Variants in USP8 observed in about 807,000 individuals in gnomAD.
USP8 encodes ubiquitin specific peptidase 8.
USP8 carries 27 observed loss-of-function variants against 130.0 expected under a neutral mutation model. The observed-to-expected ratio is 0.21, with a 90% confidence interval of 0.15 to 0.29. The LOEUF (loss-of-function observed/expected upper bound fraction) is 0.29. Ranked by LOEUF, USP8 falls within the 10% of genes least tolerant of loss-of-function variation. The pLI is 1.00. For synonymous variants in USP8, 392 were observed against 444.1 expected (o/e 0.88, Z 1.48); for missense variants, 1,029 against 1,312.2 (o/e 0.78, Z 3.33).
At chr15:50,489,467 T>TAA in intron 12 of USP8, 1 of 151,190 alleles carries the variant, frequency 6.6e-6, no homozygotes, top group Non-Finnish European at 1.5e-5. Flanking sequence ...GATGCAAAAT[T>TAA]AAAAAAAAAA....
At chr15:50,438,688 A>G (rs1017565747) in intron 1 of USP8, among the ~76,000 whole-genome samples, 1 of 152,242 alleles carries the variant, frequency 6.6e-6, no homozygotes, top group Non-Finnish European at 1.5e-5. Context: ...CTTATGATCT[A>G]AACATTAATG....
chr15:50,473,213 T>G (rs1442285476), intron 8 of USP8, among the ~76,000 whole-genome samples: 1 of 152,160 alleles, frequency 6.6e-6, no homozygotes, highest in Non-Finnish European at 1.5e-5. Context: ...TCAGTATTTG[T>G]GGGGGATTGA....
intron 12 of USP8, among the ~76,000 whole-genome samples, chr15:50,485,233 C>T (rs1274879021): frequency 6.6e-6 from 1 of 151,800 alleles, no homozygotes; most frequent in Non-Finnish European, 1.5e-5. Context: ...ATCACGAGGT[C>T]AGGAGATCGA....
intron 12 of USP8, among the ~76,000 whole-genome samples, chr15:50,487,616 C>T (rs1361615725): frequency 6.6e-6 from 1 of 152,204 alleles, no homozygotes; most frequent in Non-Finnish European, 1.5e-5. Flanking sequence ...GGCCACCCAC[C>T]ATCTTGCCCC....
chr15:50,440,366 C>G (rs2141255385), intron 2 of USP8, among the ~76,000 whole-genome samples: 1 of 152,262 alleles, frequency 6.6e-6, no homozygotes, highest in Non-Finnish European at 1.5e-5. Context: ...TTGCATCTAA[C>G]TTTGTATCAG....
intron 4 of USP8, among the ~76,000 whole-genome samples, chr15:50,458,033 G>C (rs954649028): frequency 6.6e-6 from 1 of 151,548 alleles, no homozygotes; most frequent in Non-Finnish European, 1.5e-5. Context: ...CTCTCTCTCT[G>C]TCTTTAAATT....
At chr15:50,450,550 C>T (rs551863130) in intron 4 of USP8, among the ~76,000 whole-genome samples, 8 of 142,650 alleles carry the variant, frequency 5.6e-5, no homozygotes, top group African/African-American at 1.5e-4. Flanking sequence ...CAGCTCACTG[C>T]AACATTTGCC....
intron 1 of USP8, among the ~76,000 whole-genome samples, chr15:50,430,860 T>A (rs1045741579): frequency 6.6e-6 from 1 of 152,168 alleles, no homozygotes; most frequent in African/African-American, 2.4e-5. Context: ...TGGTTCTTGT[T>A]GGGGGTAATT....
chr15:50,452,781 A>T (rs2050666360), intron 4 of USP8, among the ~76,000 whole-genome samples: 1 of 152,226 alleles, frequency 6.6e-6, no homozygotes, highest in African/African-American at 2.4e-5. Context: ...TGCATTAAGA[A>T]AATTAACATT....
chr15:50,437,937 G>A (rs1301108060), intron 1 of USP8, among the ~76,000 whole-genome samples: 1 of 152,154 alleles, frequency 6.6e-6, no homozygotes, highest in Non-Finnish European at 1.5e-5. Flanking sequence ...ACAAATTAAA[G>A]TGTTTGGTTC....
intron 6 of USP8, 150 bp downstream of exon 6, chr15:50,462,472 A>G (rs2051041978): frequency 3.2e-6 from 2 of 622,132 alleles, no homozygotes; most frequent in African/African-American, 1.9e-5. Flanking sequence ...GTACAATTAT[A>G]TTGAAAATGT....
intron 1 of USP8, among the ~76,000 whole-genome samples, chr15:50,427,558 A>T (rs1270926986): frequency 3.8e-5 from 4 of 106,534 alleles, no homozygotes; most frequent in Non-Finnish European, 5.7e-5. Flanking sequence ...AGCCGTACTA[A>T]TTTTTTTTTT....
At chr15:50,493,728 A>T in intron 15 of USP8, 1 of 383,808 alleles carries the variant, frequency 2.6e-6, no homozygotes, top group Non-Finnish European at 5.0e-6. Context: ...AGCCTGGGTG[A>T]CAGAATGAGA....
intron 7 of USP8, among the ~76,000 whole-genome samples, chr15:50,469,310 A>G (rs28469604): frequency 0.032 from 4,943 of 152,114 alleles, 109 homozygotes; most frequent in East Asian, 0.096. Flanking sequence ...AATTAAATTT[A>G]ATAAAAGACA....
Position 50,495,486 on chromosome 15 carries a change from A to C in USP8, c.2659-362A>C, listed in dbSNP as rs3784300. The stretch of plus-strand genomic sequence containing the variant: ...TTTTTCTTTTTTTAGTAGAGATTGG[A>C]GGGGGGGGTCTCACTATGTTGCACA... On this transcript the variant is annotated intron_variant, in intron 16 of 19. Transcript: ENST00000307179. Among the ~76,000 whole-genome samples, 28 of 106,838 alleles carry C rather than the reference A, an allele frequency of 2.6e-4. 1 individual carries two copies. Among genetic ancestry groups the C allele is most frequent in the East Asian group, 4.2e-4 (2 of 4,788 alleles). 70.1% of individuals were successfully genotyped at this position (106,838 alleles called of 152,430 possible).
chr15:50,513,903 G>A lies in USP8; in HGVS notation c.*14815G>A, dbSNP rs1255812370. 6.6e-6 allele frequency: 1 copy of A among 152,116 alleles called. No homozygotes were observed. Among genetic ancestry groups the A allele is most frequent in the African/African-American group, 2.4e-5 (1 of 41,420 alleles). 9.4% of individuals were successfully genotyped at this position (152,116 alleles called of 1,614,324 possible). A position where few individuals can be genotyped will look rare whatever the true frequency, so the allele number is the denominator to read the frequency against. ...ACATATGCGTATTTCTGAACCAGGA[G>A]TTTCACTCCTAGGTATGTACTCAAA... is the stretch of plus-strand genomic sequence containing the variant. On this transcript the variant is annotated 3_prime_UTR_variant, in exon 20 of 20. Transcript: ENST00000307179.
At chr15:50,459,266 G>T in intron 5 of USP8, 104 bp downstream of exon 5, 2 of 1,401,750 alleles carry the variant, frequency 1.4e-6, no homozygotes, top group Non-Finnish European at 1.9e-6. Flanking sequence ...AGGCAACAAG[G>T]ATGAAATTTA....
intron 17 of USP8, 45 bp downstream of exon 17, chr15:50,496,129 G>A (rs2052391757): frequency 6.8e-7 from 1 of 1,460,250 alleles, no homozygotes; most frequent in Non-Finnish European, 9.4e-7. Flanking sequence ...GGATAAAAAT[G>A]CTGTTTTTAT....
chr15:50,493,396 A>G (rs1415082882), intron 15 of USP8: 2 of 519,180 alleles, frequency 3.9e-6, no homozygotes, highest in Admixed American at 3.9e-5. Context: ...CTTTCAAACC[A>G]TAGTACTTAC....
Sources: allele counts gnomAD v4.1 joint callset (sites outside exome capture counted in the v4.1 genomes callset), GRCh38; gene constraint gnomAD v4.1.1; transcripts MANE v1.5; gene names NCBI Gene and HGNC (gene_info 2026-07-23, HGNC 2026-07-21).